Variants in SRCIN1 observed in about 807,000 individuals in gnomAD.
SRCIN1 encodes P130Cas-associated protein.
In SRCIN1, 50 loss-of-function variants were observed where a neutral mutation model predicts 116.2. The observed-to-expected ratio is 0.43, with a 90% confidence interval of 0.34 to 0.54. The LOEUF (loss-of-function observed/expected upper bound fraction) is 0.54, where lower values mean the gene tolerates loss of function less well. Among genes scored for constraint, SRCIN1 ranks in the 20% least tolerant of loss-of-function variants. The pLI is 0.02. For synonymous variants in SRCIN1, 736 were observed against 750.0 expected (o/e 0.98, Z 0.30); for missense variants, 1,446 against 1,672.0 (o/e 0.86, Z 2.36).
chr17:38,573,512 C>T, intron 2 of SRCIN1, among the ~76,000 whole-genome samples: 1 of 152,200 alleles, frequency 6.6e-6, no homozygotes, highest in East Asian at 1.9e-4. Context: ...GGAAGGTCTG[C>T]TCAAGCGCTC....
intron 1 of SRCIN1, among the ~76,000 whole-genome samples, chr17:38,592,669 A>C (rs1242952922): frequency 1.3e-5 from 2 of 152,242 alleles, no homozygotes; most frequent in Non-Finnish European, 2.9e-5. Context: ...TAAAGTATCT[A>C]GCACAGTGCC....
intron 10 of SRCIN1, chr17:38,559,378 A>T: frequency 1.7e-6 from 1 of 589,202 alleles, no homozygotes; most frequent in Non-Finnish European, 2.9e-6. Context: ...GGCCTTGGTG[A>T]GGAAGTGGAG....
chr17:38,588,725 G>C (rs1908281595), intron 1 of SRCIN1, among the ~76,000 whole-genome samples: 1 of 152,190 alleles, frequency 6.6e-6, no homozygotes, highest in Non-Finnish European at 1.5e-5. Context: ...CAGGGGAAGA[G>C]ACTCCAATCT....
intron 1 of SRCIN1, among the ~76,000 whole-genome samples, chr17:38,581,649 A>C (rs1295610110): frequency 6.6e-6 from 1 of 152,180 alleles, no homozygotes; most frequent in Non-Finnish European, 1.5e-5. Flanking sequence ...GTACAGTACA[A>C]AAGGTTTCCT....
At chr17:38,559,446 G>A in intron 10 of SRCIN1, 139 bp downstream of exon 10, 2 of 851,128 alleles carry the variant, frequency 2.3e-6, no homozygotes, top group Non-Finnish European at 3.5e-6. Flanking sequence ...TTCGGAGAGA[G>A]GCCAGTGAGC....
intron 1 of SRCIN1, among the ~76,000 whole-genome samples, chr17:38,579,052 G>C (rs1487459012): frequency 6.6e-6 from 1 of 152,224 alleles, no homozygotes; most frequent in Admixed American, 6.5e-5. Flanking sequence ...CGTGGGTTTG[G>C]AGCGATAATG....
chr17:38,538,185 G>A (rs1904509048), intron 18 of SRCIN1, among the ~76,000 whole-genome samples: 2 of 152,000 alleles, frequency 1.3e-5, no homozygotes, highest in Non-Finnish European at 2.9e-5. Context: ...CTGGGAGGCT[G>A]AGGTGGGCGA....
chr17:38,563,472 C>T lies in SRCIN1; in HGVS notation c.591G>A (p.Thr197=). The part of the protein sequence containing the change: ...FGEETRRVHI[T]HEVSSLDTLH... ...GCGTGTCCAGGCTGCTGACCTCGTGCGTGATGTGCACGCGCCGAGTCTCCT... is the reference window on the plus strand; with the variant it reads ...GCGTGTCCAGGCTGCTGACCTCGTGTGTGATGTGCACGCGCCGAGTCTCCT... The change falls in exon 5 of 19, where the codon ACG becomes ACA. Residue 197 remains threonine, a synonymous_variant. Coordinates refer to ENST00000617146, the MANE Select transcript of SRCIN1 (RefSeq NM_025248.3). The surrounding 1 kb of genome is among the most constrained non-coding windows in gnomAD (Gnocchi z 5.8). The T allele has an allele frequency of 6.4e-7, 1 of 1,556,338 alleles. No homozygotes were observed. Among genetic ancestry groups the T allele is most frequent in the South Asian group, 1.2e-5 (1 of 84,368 alleles).
chr17:38,579,997 C>T (rs1022839699), intron 1 of SRCIN1, among the ~76,000 whole-genome samples: 10 of 152,192 alleles, frequency 6.6e-5, no homozygotes, highest in African/African-American at 2.4e-4. Context: ...CCAAAGCAGC[C>T]CTCCAAGTGT....
chr17:38,557,573 G>A (rs1329314723), intron 11 of SRCIN1, among the ~76,000 whole-genome samples: 1 of 152,228 alleles, frequency 6.6e-6, no homozygotes, highest in Admixed American at 6.5e-5. Context: ...TCCCTTCAAA[G>A]GTGCCAGACA....
rs559968900 is a variant in SRCIN1 at position 38,563,976 on chromosome 17, T to C, written c.541+142A>G. 6.5e-6 allele frequency: 6 copies of C among 922,492 alleles called. No homozygotes were observed. Among genetic ancestry groups the C allele is most frequent in the Admixed American group, 4.6e-5 (2 of 43,246 alleles). The allele number at this position is 922,492 out of a possible 1,614,324, so 57.1% of individuals were successfully genotyped here. ...GAGAGAGAGATGGAGAGAGCTGGGG[T>C]TGCTTGGGGAGAAGGGGCTGTGGGA... On this transcript the variant is annotated intron_variant, in intron 4 of 18. Transcript: ENST00000617146. The surrounding 1 kb of genome is among the most constrained non-coding windows in gnomAD (Gnocchi z 5.8).
chr17:38,569,555 G>A (rs1233065175), intron 2 of SRCIN1, among the ~76,000 whole-genome samples: 1 of 152,124 alleles, frequency 6.6e-6, no homozygotes, highest in Non-Finnish European at 1.5e-5. Context: ...GCAGACCTTT[G>A]GGGTGGGGGT....
chr17:38,593,718 T>C (rs566821303), intron 1 of SRCIN1, among the ~76,000 whole-genome samples: 1 of 152,218 alleles, frequency 6.6e-6, no homozygotes, highest in South Asian at 2.1e-4. Flanking sequence ...TGATTTTTTT[T>C]CTCAAAACTC....
chr17:38,559,895 C>A (rs1906113041), intron 9 of SRCIN1, 123 bp from the exon 10 acceptor site: 6 of 1,387,512 alleles, frequency 4.3e-6, no homozygotes, highest in Non-Finnish European at 4.9e-6. Flanking sequence ...CGTGGCTCTA[C>A]CTGCCCCAAG....
rs998273261 is a variant in SRCIN1 at position 38,552,325 on chromosome 17, G to A, written c.2480+122C>T. On this transcript the variant is annotated intron_variant, in intron 13 of 18. Transcript: ENST00000617146. The surrounding 1 kb of genome is among the most constrained non-coding windows in gnomAD (Gnocchi z 5.3). Reference sequence around the variant, plus strand: ...GCAGGGGTCACAGGGCAGAGCTGAGGTGCCAGTCCAGTCGGCACGCCAGTG... The same window carrying A: ...GCAGGGGTCACAGGGCAGAGCTGAGATGCCAGTCCAGTCGGCACGCCAGTG... 3.5e-6 allele frequency: 5 copies of A among 1,440,900 alleles called. No individual in the cohort carries two copies. The highest frequency in any genetic ancestry group is 4.6e-6 in the Non-Finnish European group (5 of 1,083,908). The allele number at this position is 1,440,900 out of a possible 1,614,324, so 89.3% of individuals were successfully genotyped here. A position where few individuals can be genotyped will look rare whatever the true frequency, so the allele number is the denominator to read the frequency against.
intron 4 of SRCIN1, 84 bp downstream of exon 4, chr17:38,564,034 T>C: frequency 4.2e-6 from 6 of 1,436,444 alleles, no homozygotes; most frequent in Non-Finnish European, 5.6e-6. Context: ...GCTGGCGTGC[T>C]GTAGGGGAGG....
chr17:38,561,565 G>A lies in SRCIN1; in HGVS notation c.1598C>T (p.Ala533Val), dbSNP rs755067779. 7 of 1,600,934 alleles carry A rather than the reference G, an allele frequency of 4.4e-6. No homozygotes were observed. Among genetic ancestry groups the A allele is most frequent in the Non-Finnish European group, 6.0e-6 (7 of 1,175,654 alleles). The change falls in exon 7 of 19, where the codon GCC (alanine) becomes GTC (valine). Residue 533 changes from alanine to valine, a missense_variant. Physicochemically the swap from Ala to Val is moderately conservative, Grantham distance 64. This residue lies in a region of SRCIN1 where 398 missense variants were observed against 385.6 expected (regional missense o/e 1.03). Coordinates refer to ENST00000617146, the MANE Select transcript of SRCIN1 (RefSeq NM_025248.3). ...PGGKTRSAGSASTAGAPPSEL... is the reference protein window; with the variant it reads ...PGGKTRSAGSVSTAGAPPSEL... ...CGAAGGGGGAGCTCCGGCCGTCGAG[G>A]CGCTCCCCGCGCTGCGGGTCTTCCC...
upstream of SRCIN1, among the ~76,000 whole-genome samples, chr17:38,606,895 C>G (rs1334460185): frequency 6.6e-6 from 1 of 152,234 alleles, no homozygotes; most frequent in Non-Finnish European, 1.5e-5. The surrounding 1 kb of genome is among the most constrained non-coding windows in gnomAD (Gnocchi z 5.2). Flanking sequence ...CTCTCTCAAG[C>G]TTTCTTGCGG....
chr17:38,583,004 G>T (rs1450380399), intron 1 of SRCIN1, among the ~76,000 whole-genome samples: 1 of 152,118 alleles, frequency 6.6e-6, no homozygotes, highest in African/African-American at 2.4e-5. Context: ...TCAGAACACT[G>T]GGAGAGAAAA....
Sources: gnomAD v4.1 joint callset for allele counts (sites outside exome capture counted in the v4.1 genomes callset) on GRCh38, gnomAD v4.1.1 for gene constraint, gnomAD v4.1.1 regional missense constraint, Gnocchi (gnomAD v3.1) non-coding constraint, MANE v1.5 for transcripts, NCBI Gene and HGNC (gene_info 2026-07-23, HGNC 2026-07-21) for gene names.